The following EZH1 variants were observed in gnomAD, a reference collection of about 807,000 sequenced individuals.
EZH1 encodes enhancer of zeste 1 polycomb repressive complex 2 subunit.
A neutral mutation model predicts 100.5 loss-of-function variants in EZH1; 33 were observed. The observed-to-expected ratio is 0.33, with a 90% CI of 0.25 to 0.44. EZH1 has a LOEUF of 0.44. Among genes scored for constraint, EZH1 ranks in the 20% least tolerant of loss-of-function variants. The pLI is 1.00. For synonymous variants in EZH1, 272 were observed against 313.8 expected (o/e 0.87, Z 1.41); for missense variants, 475 against 928.4 (o/e 0.51, Z 6.35).
At chr17:42,717,354 G>C (rs1326231711) in intron 10 of EZH1, among the ~76,000 whole-genome samples, 1 of 152,092 alleles carries the variant, frequency 6.6e-6, no homozygotes, top group African/African-American at 2.4e-5. Context: ...AAAAGCACTT[G>C]GCTGGTTGTA....
At chr17:42,708,945 G>A in intron 13 of EZH1, 29 bp from the exon 14 acceptor site, 1 of 1,614,112 alleles carries the variant, frequency 6.2e-7, no homozygotes, top group Non-Finnish European at 8.5e-7. Flanking sequence ...ACAGGTCTCA[G>A]TCACGGCCCT....
intron 1 of EZH1, among the ~76,000 whole-genome samples, chr17:42,739,631 G>A (rs2054138046): frequency 6.6e-6 from 1 of 152,006 alleles, no homozygotes; most frequent in African/African-American, 2.4e-5. Flanking sequence ...GGAGGCTGAA[G>A]CAGGAGAATC....
intron 14 of EZH1, chr17:42,708,290 G>A: frequency 1.9e-6 from 1 of 522,628 alleles, no homozygotes; most frequent in Non-Finnish European, 3.4e-6. Context: ...GTGTGGAGAT[G>A]GTCTGGGACA....
In EZH1 at chr17:42,702,421, G is replaced by C; in HGVS notation, c.*111C>G. Reference sequence around the variant, plus strand: ...CCTCACTACAGAGGGAGTGGGTTGGGGGGTTTCTCAGTGTGGGAGACACAG... The same window carrying C: ...CCTCACTACAGAGGGAGTGGGTTGGCGGGTTTCTCAGTGTGGGAGACACAG... On this transcript the variant is annotated 3_prime_UTR_variant, in exon 21 of 21. Transcript: ENST00000428826. 4 of 901,988 alleles carry C rather than the reference G, an allele frequency of 4.4e-6. No homozygotes were observed. In the South Asian group the frequency reaches 5.1e-5, roughly 11 times the overall value. 55.9% of individuals were successfully genotyped at this position (901,988 alleles called of 1,614,324 possible).
In EZH1 at chr17:42,737,698, T is replaced by A. The variant is rs182881948; in HGVS notation, c.-102-6780A>T. Among the ~76,000 whole-genome samples the A allele has an allele frequency of 5.9e-4, 90 of 152,260 alleles. 1 individual carries two copies. Among genetic ancestry groups the A allele is most frequent in the African/African-American group, 2.1e-3 (88 of 41,550 alleles). ...AAATAGAGTTTATTTTTTAAAAAGA[T>A]TAATCATTGGAAATACGAACCACTT... On this transcript the variant is annotated intron_variant, in intron 1 of 20. Coordinates refer to ENST00000428826, the MANE Select transcript of EZH1 (RefSeq NM_001991.5).
intron 11 of EZH1, among the ~76,000 whole-genome samples, chr17:42,712,800 C>T (rs749618358): frequency 7.9e-5 from 12 of 151,688 alleles, no homozygotes; most frequent in South Asian, 4.2e-4. Context: ...CACTTTAGGA[C>T]GCCGAGGCAG....
In EZH1 at chr17:42,727,670, T is replaced by G; in HGVS notation, c.211A>C (p.Met71Leu). 5.0e-6 allele frequency: 8 copies of G among 1,613,148 alleles called. No homozygotes were observed. The highest frequency in any genetic ancestry group is 5.9e-6 in the Non-Finnish European group (7 of 1,179,662). ...AAAGGGTGTCCACTCACAGGCTTCA[T>G]TGACTGAACAGGTTGGACACGAAGC... ...KKLRVQPVQS[M>L]KPVSGHPFLK... Residue 71 changes from methionine to leucine, a missense_variant, in exon 4 of 21, where the codon ATG becomes CTG. Physicochemically the swap from Met to Leu is conservative, Grantham distance 15. Coordinates refer to ENST00000428826, the MANE Select transcript of EZH1 (RefSeq NM_001991.5).
chr17:42,730,005 T>C (rs2053908961), intron 2 of EZH1, among the ~76,000 whole-genome samples: 1 of 151,806 alleles, frequency 6.6e-6, no homozygotes, highest in Non-Finnish European at 1.5e-5. Context: ...ATCACTGCAC[T>C]CCAGCCTGGG....
At chr17:42,727,086 G>C (rs2053835445) in intron 4 of EZH1, among the ~76,000 whole-genome samples, 1 of 152,028 alleles carries the variant, frequency 6.6e-6, no homozygotes. Flanking sequence ...CTGGCCTCAA[G>C]TGATCCATCT....
At chr17:42,742,732 T>A (rs147900197) in intron 1 of EZH1, among the ~76,000 whole-genome samples, 1 of 152,288 alleles carries the variant, frequency 6.6e-6, no homozygotes, top group East Asian at 1.9e-4. Context: ...AAAACATATA[T>A]CCCTGCCTTT....
Position 42,718,741 on chromosome 17 carries a change from C to A in EZH1, c.768-124G>T, listed in dbSNP as rs2053652301. The A allele has an allele frequency of 4.3e-6, 4 of 934,306 alleles. No homozygotes were observed. The highest frequency in any genetic ancestry group is 6.4e-6 in the Non-Finnish European group (4 of 624,446). The allele number at this position is 934,306 out of a possible 1,614,324, so 57.9% of individuals were successfully genotyped here. A position where few individuals can be genotyped will look rare whatever the true frequency, so the allele number is the denominator to read the frequency against. On this transcript the variant is annotated intron_variant, in intron 8 of 20. Coordinates refer to ENST00000428826, the MANE Select transcript of EZH1 (RefSeq NM_001991.5). The surrounding 1 kb of genome is among the most constrained non-coding windows in gnomAD (Gnocchi z 4.2). ...GGGAGGATGGGTGTTTTTTATAGGT[C>A]TGGTTGATAAGAGAATGGTAGATAA...
intron 10 of EZH1, among the ~76,000 whole-genome samples, chr17:42,717,135 A>G (rs2053621263): frequency 6.6e-6 from 1 of 152,192 alleles, no homozygotes; most frequent in African/African-American, 2.4e-5. Flanking sequence ...CCTCTACCTC[A>G]TGACACTGTT....
intron 4 of EZH1, among the ~76,000 whole-genome samples, chr17:42,725,504 C>T (rs1345661139): frequency 6.6e-6 from 1 of 151,348 alleles, no homozygotes; most frequent in African/African-American, 2.4e-5. Flanking sequence ...TGGTCTCCAA[C>T]TCCTGGACTC....
intron 20 of EZH1, 37 bp from the exon 21 acceptor site, chr17:42,702,629 C>T: frequency 6.5e-7 from 1 of 1,541,018 alleles, no homozygotes; most frequent in Non-Finnish European, 8.8e-7. Flanking sequence ...AGGTTACTCT[C>T]ATGACTTTTG....
chr17:42,734,276 G>A (rs2054019502), intron 1 of EZH1, among the ~76,000 whole-genome samples: 1 of 152,054 alleles, frequency 6.6e-6, no homozygotes, highest in Non-Finnish European at 1.5e-5. Flanking sequence ...CTGGCCTCAA[G>A]TGATCTGCCT....
intron 3 of EZH1, among the ~76,000 whole-genome samples, chr17:42,728,270 C>T (rs1218521149): frequency 6.6e-6 from 1 of 151,064 alleles, no homozygotes; most frequent in Non-Finnish European, 1.5e-5. Flanking sequence ...TATGACACCA[C>T]GCCCGGCTAA....
chr17:42,734,655 T>G (rs1319720569), intron 1 of EZH1, among the ~76,000 whole-genome samples: 20 of 114,604 alleles, frequency 1.7e-4, no homozygotes, highest in Admixed American at 3.7e-4. Context: ...GGTGACAGAG[T>G]GAGGCCTTGT....
At chr17:42,732,185 T>C (rs1411012013) in intron 1 of EZH1, among the ~76,000 whole-genome samples, 1 of 149,832 alleles carries the variant, frequency 6.7e-6, no homozygotes, top group African/African-American at 2.5e-5. Context: ...GATCAGGCAA[T>C]GTGCAGTGGC....
intron 13 of EZH1, 141 bp from the exon 14 acceptor site, chr17:42,709,057 T>G: frequency 1.2e-6 from 1 of 859,610 alleles, no homozygotes; most frequent in Non-Finnish European, 1.9e-6. Context: ...CAGGACGACT[T>G]TGGTACACAG....
Sources: allele counts gnomAD v4.1 joint callset (sites outside exome capture counted in the v4.1 genomes callset), GRCh38; gene constraint gnomAD v4.1.1; non-coding constraint Gnocchi (gnomAD v3.1); transcripts MANE v1.5; gene names NCBI Gene and HGNC (gene_info 2026-07-23, HGNC 2026-07-21).